Variants in CETN3 observed in about 807,000 individuals in gnomAD.
The protein encoded by CETN3 is centrin-3.
In CETN3, 17 loss-of-function variants were observed where a neutral mutation model predicts 20.1. That is an observed-to-expected ratio of 0.85 (90% confidence interval 0.58 to 1.27). The LOEUF (loss-of-function observed/expected upper bound fraction) is 1.27. Ranked by LOEUF, CETN3 falls within the 50% of genes most tolerant of loss-of-function variation. The pLI, the probability that CETN3 is intolerant of heterozygous loss-of-function variation, is 0.00. For missense variants in CETN3, 169 were observed against 191.2 expected (o/e 0.88, Z 0.69); for synonymous variants, 52 against 59.7 (o/e 0.87, Z 0.59).
At chr5:90,397,555 G>C (rs1397067700) in intron 4 of CETN3, among the ~76,000 whole-genome samples, 1 of 152,094 alleles carries the variant, frequency 6.6e-6, no homozygotes, top group East Asian at 1.9e-4. Context: ...TGGCTTTGAA[G>C]GGGAAAAGCA....
intron 1 of CETN3, among the ~76,000 whole-genome samples, chr5:90,408,505 A>G (rs1335774768): frequency 1.3e-5 from 2 of 152,236 alleles, no homozygotes; most frequent in South Asian, 4.1e-4. Context: ...TTTGTGCTTC[A>G]TTCTATATAA....
intron 1 of CETN3, among the ~76,000 whole-genome samples, chr5:90,409,260 T>C (rs1463528409): frequency 6.6e-6 from 1 of 152,108 alleles, no homozygotes; most frequent in Non-Finnish European, 1.5e-5. Flanking sequence ...GTGATTGCAT[T>C]AGCAGCGGAG....
chr5:90,396,984 T>C (rs1749150178), intron 4 of CETN3, among the ~76,000 whole-genome samples: 1 of 152,104 alleles, frequency 6.6e-6, no homozygotes, highest in African/African-American at 2.4e-5. Context: ...TTGTATTAGG[T>C]ATTATAAGTA....
intron 4 of CETN3, among the ~76,000 whole-genome samples, chr5:90,395,246 T>C (rs1046499807): frequency 1.3e-5 from 2 of 152,160 alleles, no homozygotes; most frequent in African/African-American, 4.8e-5. Flanking sequence ...AAGTGTTGCG[T>C]AATATATCAA....
rs1749216149 is a variant in CETN3, at chr5:90,399,269, AAAGTCTTGC to A, written c.460+80_460+88del. The A allele has an allele frequency of 1.5e-5, 18 of 1,164,698 alleles. No individual in the cohort carries two copies. The South Asian group carries it at 2.2e-4, about 14-fold the overall frequency. 72.1% of individuals were successfully genotyped at this position (1,164,698 alleles called of 1,614,324 possible). A position where few individuals can be genotyped will look rare whatever the true frequency, so the allele number is the denominator to read the frequency against. On this transcript the variant is annotated intron_variant, in intron 4 of 4. Transcript: ENST00000283122. ...TACAAGAAGCAGTTAAGTTTACAAA[AAAGTCTTGC>A]AAGTCATTTGGTTTTAGAAAAATGT...
chr5:90,405,949 G>A, intron 2 of CETN3, 150 bp from the exon 3 acceptor site: 2 of 590,548 alleles, frequency 3.4e-6, no homozygotes, highest in Admixed American at 3.5e-5. Context: ...CAGTGATAGT[G>A]TAATTGTTCT....
At chr5:90,409,585 A>C in intron 1 of CETN3, 60 bp downstream of exon 1, 2 of 1,603,930 alleles carry the variant, frequency 1.2e-6, no homozygotes, top group Non-Finnish European at 1.7e-6. Flanking sequence ...CCTTCCACAC[A>C]CACCCTCCCT....
chr5:90,394,235 G>A, intron 4 of CETN3, 128 bp from the exon 5 acceptor site: 3 of 553,892 alleles, frequency 5.4e-6, no homozygotes, highest in Admixed American at 3.5e-5. Flanking sequence ...ATTAAGACAT[G>A]GCTTTTTGCT....
chr5:90,396,521 G>A, intron 4 of CETN3: 2 of 1,533,768 alleles, frequency 1.3e-6, no homozygotes, highest in African/African-American at 1.4e-5. Flanking sequence ...GATTTAGACT[G>A]AGGCATCTAG....
chr5:90,398,483 G>T (rs1027274173), intron 4 of CETN3, among the ~76,000 whole-genome samples: 1 of 152,174 alleles, frequency 6.6e-6, no homozygotes, highest in Non-Finnish European at 1.5e-5. Context: ...CTGAGAGAAT[G>T]AATCACATTT....
chr5:90,408,532 G>A lies in CETN3; in HGVS notation c.18-698C>T, dbSNP rs574548042. On this transcript the variant is annotated intron_variant, in intron 1 of 4. Transcript: ENST00000283122. ...TCTATATAAAAATGTGATGAGTCTT[G>A]TCTCATTTAACATGTAAACCGGAGG... 2.0e-5 allele frequency among the ~76,000 whole-genome samples: 3 copies of A among 152,240 alleles called. No individual in the cohort carries two copies. The East Asian group carries it at 5.8e-4, about 29-fold the overall frequency.
chr5:90,408,646 C>G (rs1286376592), intron 1 of CETN3, among the ~76,000 whole-genome samples: 2 of 152,070 alleles, frequency 1.3e-5, no homozygotes, highest in Middle Eastern at 3.2e-3. Flanking sequence ...AGCTGCCCAT[C>G]TAAATGTGCT....
intron 1 of CETN3, among the ~76,000 whole-genome samples, chr5:90,408,536 C>T (rs1749528068): frequency 6.6e-6 from 1 of 152,076 alleles, no homozygotes; most frequent in Admixed American, 6.6e-5. Context: ...AGTCTTGTCT[C>T]ATTTAACATG....
chr5:90,403,303 C>G (rs1399782367), intron 3 of CETN3, among the ~76,000 whole-genome samples: 1 of 152,062 alleles, frequency 6.6e-6, no homozygotes, highest in Admixed American at 6.5e-5. Context: ...TAAAAATAAT[C>G]AACAAAAGGG....
chr5:90,399,427 C>A lies in CETN3; in HGVS notation c.391G>T (p.Gly131Cys), dbSNP rs781671011. 1.9e-6 allele frequency: 3 copies of A among 1,613,986 alleles called. No homozygotes were observed. In the South Asian group the frequency reaches 3.3e-5, roughly 18 times the overall value. The part of the protein sequence containing the change: ...RNLRRVAREL[G>C]ENMSDEELRA... ...AGTTCTTCATCACTCATGTTTTCAC[C>A]CAATTCTCTAGCAACACGTCGCAAA... The change falls in exon 4 of 5, where the codon GGT becomes TGT. Residue 131 changes from glycine to cysteine, a missense_variant. Gly to Cys is a radical substitution (Grantham distance 159). Transcript: ENST00000283122.
intron 3 of CETN3, among the ~76,000 whole-genome samples, chr5:90,404,435 T>C (rs1482573631): frequency 6.6e-6 from 1 of 152,202 alleles, no homozygotes; most frequent in Non-Finnish European, 1.5e-5. Flanking sequence ...AATACTACGA[T>C]CATAAACTTC....
intron 3 of CETN3, among the ~76,000 whole-genome samples, chr5:90,404,728 T>C (rs560125125): frequency 2.6e-5 from 4 of 152,314 alleles, no homozygotes; most frequent in African/African-American, 9.6e-5. Context: ...CTAATTGCCA[T>C]TTCTTTTTGC....
intron 3 of CETN3, 43 bp downstream of exon 3, chr5:90,405,642 T>A: frequency 1.6e-6 from 2 of 1,285,896 alleles, no homozygotes; most frequent in Non-Finnish European, 2.3e-6. Context: ...AATCAGACAA[T>A]TTCCTAACAG....
Position 90,405,735 on chromosome 5 carries a change from T to C in CETN3, c.218A>G (p.Tyr73Cys), listed in dbSNP as rs1429609121. The C allele has an allele frequency of 6.2e-7, 1 of 1,613,168 alleles. No individual in the cohort carries two copies. Among genetic ancestry groups the C allele is most frequent in the Admixed American group, 1.7e-5 (1 of 59,988 alleles). Residue 73 changes from tyrosine (Y) to cysteine (C), a missense_variant, in exon 3 of 5, where the codon TAT becomes TGT. Coordinates refer to ENST00000283122, the MANE Select transcript of CETN3 (RefSeq NM_004365.4). ...GATTTTCCCTGTGGCTTCTCTGTCA[T>C]AATCTTTAAGAATCTTCAGTACATC... is the stretch of plus-strand genomic sequence containing the variant. ...KADVLKILKD[Y>C]DREATGKITF...
Sources: gnomAD v4.1 joint callset for allele counts (sites outside exome capture counted in the v4.1 genomes callset) on GRCh38, gnomAD v4.1.1 for gene constraint, MANE v1.5 for transcripts, NCBI Gene and HGNC (gene_info 2026-07-23, HGNC 2026-07-21) for gene names.